The following MYO5B variants were observed in gnomAD, a reference collection of about 807,000 sequenced individuals.
The protein encoded by MYO5B is unconventional myosin-Vb.
Under a neutral mutation model 229.3 loss-of-function variants are expected in MYO5B, and 143 were observed. The ratio of observed to expected loss-of-function variants is 0.62; its 90% CI spans 0.54 to 0.72. The LOEUF (loss-of-function observed/expected upper bound fraction) is 0.72. Ranked by LOEUF, MYO5B falls within the 30% of genes least tolerant of loss-of-function variation. The pLI is 0.00. For missense variants in MYO5B, 2,321 were observed against 2,331.0 expected (o/e 1.00, Z 0.09); for synonymous variants, 918 against 885.2 (o/e 1.04, Z -0.66).
intron 1 of MYO5B, among the ~76,000 whole-genome samples, chr18:50,058,247 T>C (rs1598988233): frequency 6.6e-6 from 1 of 151,950 alleles, no homozygotes; most frequent in African/African-American, 2.4e-5. Context: ...AGGTAGATCA[T>C]TTGAGGATAG....
At chr18:50,031,293 C>T (rs1224932408) in intron 4 of MYO5B, among the ~76,000 whole-genome samples, 2 of 152,110 alleles carry the variant, frequency 1.3e-5, no homozygotes, top group African/African-American at 4.8e-5. Flanking sequence ...TATCATTTTT[C>T]TCAGGTAATG....
At chr18:50,182,283 C>T (rs1426446623) in intron 1 of MYO5B, among the ~76,000 whole-genome samples, 1 of 152,224 alleles carries the variant, frequency 6.6e-6, no homozygotes, top group Non-Finnish European at 1.5e-5. Flanking sequence ...GGCTTTGCTA[C>T]ATCTAACAGG....
rs942260168 is a variant in MYO5B at position 49,895,219 on chromosome 18, G to A, written c.2812-45C>T. Reference sequence around the variant, plus strand: ...ACAAGGAGAAGGGAGAAGAAGTGGGGGAAGAAAAGGTTATTTTACCAGGGA... The same window carrying A: ...ACAAGGAGAAGGGAGAAGAAGTGGGAGAAGAAAAGGTTATTTTACCAGGGA... On this transcript the variant is annotated intron_variant, in intron 21 of 39. Coordinates refer to ENST00000285039, the MANE Select transcript of MYO5B (RefSeq NM_001080467.3). The A allele has an allele frequency of 2.1e-5, 31 of 1,505,238 alleles. No homozygotes were observed. The East Asian group carries it at 7.0e-4, about 34-fold the overall frequency. The allele number at this position is 1,505,238 out of a possible 1,614,324, so 93.2% of individuals were successfully genotyped here. A position where few individuals can be genotyped will look rare whatever the true frequency, so the allele number is the denominator to read the frequency against.
At chr18:50,153,830 T>A (rs1283055033) in intron 1 of MYO5B, among the ~76,000 whole-genome samples, 1 of 151,996 alleles carries the variant, frequency 6.6e-6, no homozygotes, top group African/African-American at 2.4e-5. Flanking sequence ...GGGATGCGAG[T>A]GAGTGACGAC....
chr18:50,136,114 C>T (rs1291669938), intron 1 of MYO5B, among the ~76,000 whole-genome samples: 1 of 152,196 alleles, frequency 6.6e-6, no homozygotes, highest in East Asian at 1.9e-4. Context: ...AGCTTTGGAG[C>T]TCTGTGGCCT....
Position 49,829,083 on chromosome 18 carries a change from A to ATTTTT in MYO5B, c.5395-2465_5395-2461dup, listed in dbSNP as rs71169455. ...TCAAAGTTGGTTCAAAAAATTGACA[A>ATTTTT]TTTTTTTTTTTTTTTTAAGATGGGG... On this transcript the variant is annotated intron_variant, in intron 39 of 39. Transcript: ENST00000285039. Among the ~76,000 whole-genome samples the ATTTTT allele has an allele frequency of 8.8e-4, 125 of 141,360 alleles. 2 individuals are homozygous for ATTTTT. The highest frequency in any genetic ancestry group is 8.3e-3 in the East Asian group (40 of 4,848). The allele number at this position is 141,360 out of a possible 152,430, so 92.7% of individuals were successfully genotyped here.
At chr18:49,833,856 C>T (rs1187045402) in intron 39 of MYO5B, among the ~76,000 whole-genome samples, 2 of 152,150 alleles carry the variant, frequency 1.3e-5, no homozygotes, top group Non-Finnish European at 2.9e-5. Flanking sequence ...TTTCTGTCAG[C>T]GCCACCCACA....
chr18:50,085,248 G>A (rs1316698735), intron 1 of MYO5B, among the ~76,000 whole-genome samples: 1 of 152,086 alleles, frequency 6.6e-6, no homozygotes, highest in East Asian at 1.9e-4. Context: ...TCAAAAAGTG[G>A]GTGAAGGATA....
chr18:50,070,896 G>A (rs1159708812), intron 1 of MYO5B, among the ~76,000 whole-genome samples: 1 of 152,034 alleles, frequency 6.6e-6, no homozygotes, highest in Admixed American at 6.6e-5. Context: ...AGGTGGGAGT[G>A]CAGTGGTGAG....
At chr18:50,004,780 G>A (rs1479770155) in intron 4 of MYO5B, among the ~76,000 whole-genome samples, 1 of 152,150 alleles carries the variant, frequency 6.6e-6, no homozygotes, top group African/African-American at 2.4e-5. Context: ...AGGTGGGGTA[G>A]GTGCACATTA....
chr18:49,972,846 G>A (rs1369039709), intron 10 of MYO5B, among the ~76,000 whole-genome samples: 1 of 152,012 alleles, frequency 6.6e-6, no homozygotes. Flanking sequence ...TGCAACTGAA[G>A]GCCTGGGGAG....
At chr18:49,853,303 C>A in intron 31 of MYO5B, 146 bp downstream of exon 31, 1 of 826,756 alleles carries the variant, frequency 1.2e-6, no homozygotes, top group Non-Finnish European at 2.0e-6. Flanking sequence ...GTGAAGGGGT[C>A]TTGACCGGAG....
intron 6 of MYO5B, 43 bp downstream of exon 6, chr18:49,992,244 TG>T (rs2025940964): frequency 6.2e-7 from 1 of 1,613,660 alleles, no homozygotes; most frequent in Non-Finnish European, 8.5e-7. Flanking sequence ...GTAAGGTAAT[TG>T]TCCATGAGAA....
intron 16 of MYO5B, among the ~76,000 whole-genome samples, chr18:49,931,368 G>A (rs2025189294): frequency 6.6e-6 from 1 of 152,038 alleles, no homozygotes; most frequent in Non-Finnish European, 1.5e-5. Context: ...GCCCTCCCAA[G>A]CCCCACCTTC....
At chr18:49,900,638 A>G (rs578056512) in intron 21 of MYO5B, among the ~76,000 whole-genome samples, 3 of 152,336 alleles carry the variant, frequency 2.0e-5, no homozygotes, top group African/African-American at 7.2e-5. Flanking sequence ...AAAAATGCCC[A>G]GTATAGAATA....
chr18:49,974,779 T>TCACACACACACACACACACACA (rs111420791), intron 9 of MYO5B, among the ~76,000 whole-genome samples, 164 bp from the exon 10 acceptor site: 31 of 117,068 alleles, frequency 2.6e-4, no homozygotes, highest in African/African-American at 4.1e-4. Flanking sequence ...GCAGTCTCTC[T>TCACACACACACACACACACACA]CACACACACA....
chr18:49,862,095 T>A (rs973767781), intron 29 of MYO5B, among the ~76,000 whole-genome samples: 3 of 150,608 alleles, frequency 2.0e-5, no homozygotes, highest in African/African-American at 7.4e-5. Context: ...CCTCCTGGGT[T>A]CAAGCAATTC....
chr18:50,091,353 T>C (rs2031444283), intron 1 of MYO5B, among the ~76,000 whole-genome samples: 1 of 152,244 alleles, frequency 6.6e-6, no homozygotes, highest in South Asian at 2.1e-4. Context: ...GCACTGTATC[T>C]GCAAAGTCTC....
chr18:49,979,325 A>C (rs1341356798), intron 9 of MYO5B, among the ~76,000 whole-genome samples: 2 of 152,200 alleles, frequency 1.3e-5, no homozygotes, highest in Non-Finnish European at 2.9e-5. Context: ...GGGAGCTTCA[A>C]GGCTCTCACG....
Sources: gnomAD v4.1 joint callset for allele counts (sites outside exome capture counted in the v4.1 genomes callset) on GRCh38, gnomAD v4.1.1 for gene constraint, MANE v1.5 for transcripts, NCBI Gene and HGNC (gene_info 2026-07-23, HGNC 2026-07-21) for gene names.